The following CDH17 variants were observed in gnomAD, a reference collection of about 807,000 sequenced individuals.
The protein encoded by CDH17 is cadherin-17.
CDH17 carries 67 observed loss-of-function variants against 86.3 expected under a neutral mutation model. That is an observed-to-expected ratio of 0.78 (90% CI 0.64 to 0.95). The LOEUF (loss-of-function observed/expected upper bound fraction) is 0.95, where lower values mean the gene tolerates loss of function less well. Ranked by LOEUF, CDH17 falls within the 40% of genes least tolerant of loss-of-function variation. CDH17 has a pLI of 0.00. For missense variants in CDH17, 993 were observed against 1,017.6 expected (o/e 0.98, Z 0.33); for synonymous variants, 367 against 366.4 (o/e 1.00, Z -0.02).
At chr8:94,129,774 C>T (rs575785893) in intron 17 of CDH17, among the ~76,000 whole-genome samples, 1 of 152,228 alleles carries the variant, frequency 6.6e-6, no homozygotes, top group Non-Finnish European at 1.5e-5. Flanking sequence ...AAATTCTACA[C>T]CTGACCTCAT....
rs1486764387 is a variant in CDH17 at position 94,195,043 on chromosome 8, C to A, written c.-20-338G>T. On this transcript the variant is annotated intron_variant, in intron 1 of 17. Coordinates refer to ENST00000027335, the MANE Select transcript of CDH17 (RefSeq NM_004063.4). ...TGGAAACGCAGTCTCACTTTGTCAT[C>A]CAGGCTGTAGTGCAGTGGTGCAATC... Among the ~76,000 whole-genome samples the A allele has an allele frequency of 2.6e-5, 4 of 152,290 alleles. No homozygotes were observed. The South Asian group carries it at 6.2e-4, about 24-fold the overall frequency.
chr8:94,146,166 C>G lies in CDH17; in HGVS notation c.1929G>C (p.Gly643=), dbSNP rs759212538. ...CTGACACAGAGCTCAAGGAAGACCC[C>G]CCTAAGGAATTGAATGATTGAAACA... ...YRVQVVATEV[G]GSSLSSVSEF... The change falls in exon 15 of 18, where the codon GGG becomes GGC. Residue 643 remains glycine, a splice_region_variant and synonymous_variant. Coordinates refer to ENST00000027335, the MANE Select transcript of CDH17 (RefSeq NM_004063.4). The G allele has an allele frequency of 6.6e-7, 1 of 1,508,920 alleles. No individual in the cohort carries two copies. Among genetic ancestry groups the G allele is most frequent in the Non-Finnish European group, 8.9e-7 (1 of 1,129,238 alleles). 93.5% of individuals were successfully genotyped at this position (1,508,920 alleles called of 1,614,324 possible).
chr8:94,185,276 T>TAC (rs71277462), intron 3 of CDH17, among the ~76,000 whole-genome samples: 10,985 of 136,700 alleles, frequency 0.08, 522 homozygotes, highest in Admixed American at 0.17. Flanking sequence ...CCTACCCCAA[T>TAC]ACACACACAC....
At chr8:94,182,434 G>T (rs955927135) in intron 3 of CDH17, among the ~76,000 whole-genome samples, 7 of 152,218 alleles carry the variant, frequency 4.6e-5, no homozygotes, top group Admixed American at 2.0e-4. Flanking sequence ...TTACCAAGTG[G>T]AAATTATACC....
At chr8:94,133,293 C>T (rs569687634) in intron 15 of CDH17, among the ~76,000 whole-genome samples, 15 of 152,194 alleles carry the variant, frequency 9.9e-5, no homozygotes, top group Admixed American at 5.2e-4. Context: ...TTCCTGTCCA[C>T]GAGCATGGAA....
intron 15 of CDH17, among the ~76,000 whole-genome samples, chr8:94,131,978 T>G (rs2130566311): frequency 6.6e-6 from 1 of 152,280 alleles, no homozygotes; most frequent in East Asian, 1.9e-4. Flanking sequence ...GTTTCCAGCT[T>G]CATCCATGTC....
intron 16 of CDH17, 56 bp from the exon 17 acceptor site, chr8:94,130,795 T>C (rs1812397754): frequency 3.3e-6 from 5 of 1,525,830 alleles, no homozygotes; most frequent in South Asian, 2.2e-5. Context: ...AGTTGCAGAA[T>C]CCCATATCAA....
chr8:94,212,218 C>T (rs913267365), upstream of CDH17, among the ~76,000 whole-genome samples: 9 of 152,258 alleles, frequency 5.9e-5, no homozygotes, highest in African/African-American at 1.9e-4. Context: ...TGCAGTGGTG[C>T]GATCTCGGCT....
intron 1 of CDH17, among the ~76,000 whole-genome samples, chr8:94,205,459 AAAGAG>A (rs1191561912): frequency 2.6e-5 from 4 of 152,166 alleles, no homozygotes; most frequent in Middle Eastern, 3.4e-3. Context: ...GAAAGAAAGA[AAAGAG>A]AAGAGAAGAG....
At chr8:94,184,040 T>TA (rs567593599) in intron 3 of CDH17, among the ~76,000 whole-genome samples, 2,116 of 138,608 alleles carry the variant, frequency 0.015, 31 homozygotes, top group African/African-American at 0.033. Flanking sequence ...TAGCTATAAT[T>TA]AAAAAAAAAA....
At chr8:94,183,375 G>C (rs1011067547) in intron 3 of CDH17, among the ~76,000 whole-genome samples, 2 of 152,006 alleles carry the variant, frequency 1.3e-5, no homozygotes, top group African/African-American at 4.8e-5. Flanking sequence ...TGCAGTACTG[G>C]CATAAACATA....
At chr8:94,141,201 T>A (rs1812629998) in intron 15 of CDH17, among the ~76,000 whole-genome samples, 1 of 150,884 alleles carries the variant, frequency 6.6e-6, no homozygotes, top group African/African-American at 2.4e-5. Context: ...GCCCAAAAAA[T>A]CAAATCAGCC....
intron 7 of CDH17, among the ~76,000 whole-genome samples, chr8:94,171,884 C>T (rs1813275301): frequency 6.6e-6 from 1 of 152,034 alleles, no homozygotes; most frequent in African/African-American, 2.4e-5. Flanking sequence ...AAGCATCACC[C>T]ATTGTCCCTG....
At chr8:94,209,919 GA>G (rs1814093479), upstream of CDH17, among the ~76,000 whole-genome samples, 7 of 116,750 alleles carry the variant, frequency 6.0e-5, no homozygotes, top group South Asian at 2.1e-3. Flanking sequence ...TTAAATTTAT[GA>G]GTTTTTTTTT....
At chr8:94,181,229 C>T (rs1183874754) in intron 3 of CDH17, among the ~76,000 whole-genome samples, 1 of 151,954 alleles carries the variant, frequency 6.6e-6, no homozygotes, top group Non-Finnish European at 1.5e-5. Context: ...TTAAATAATT[C>T]AACAGTAATA....
upstream of CDH17, among the ~76,000 whole-genome samples, chr8:94,212,584 T>C (rs769342983): frequency 2.6e-5 from 4 of 151,556 alleles, no homozygotes; most frequent in Non-Finnish European, 5.9e-5. Flanking sequence ...AATGAATCAC[T>C]AGTTCTAAGT....
intron 7 of CDH17, among the ~76,000 whole-genome samples, chr8:94,173,233 G>A (rs1210753919): frequency 6.6e-6 from 1 of 152,108 alleles, no homozygotes; most frequent in South Asian, 2.1e-4. Flanking sequence ...ATGTTGAAAC[G>A]TAATCCTCAG....
At chr8:94,130,561 C>G (rs1291314567) in intron 17 of CDH17, 65 bp downstream of exon 17, 1 of 1,107,880 alleles carries the variant, frequency 9.0e-7, no homozygotes, top group African/African-American at 1.5e-5. Context: ...GAAGACAGGC[C>G]CTGAGATGAG....
At chr8:94,177,758 G>GAA (rs1231618258) in intron 3 of CDH17, 37 bp from the exon 4 acceptor site, 1 of 1,602,222 alleles carries the variant, frequency 6.2e-7, no homozygotes, top group Non-Finnish European at 8.5e-7. Context: ...AGTTGTAAGG[G>GAA]AAAAAACAAT....
Sources: gnomAD v4.1 joint callset for allele counts (sites outside exome capture counted in the v4.1 genomes callset) on GRCh38, gnomAD v4.1.1 for gene constraint, MANE v1.5 for transcripts, NCBI Gene and HGNC (gene_info 2026-07-23, HGNC 2026-07-21) for gene names.